The following ERO1B variants were observed in gnomAD, a reference collection of about 807,000 sequenced individuals.
The protein encoded by ERO1B is ERO1-like protein beta.
A neutral mutation model predicts 75.3 loss-of-function variants in ERO1B; 49 were observed. That is an observed-to-expected ratio of 0.65 (90% CI 0.52 to 0.83). The LOEUF is 0.83. Among genes scored for constraint, ERO1B ranks in the 40% least tolerant of loss-of-function variants. ERO1B has a pLI of 0.00. For missense variants in ERO1B, 512 were observed against 560.1 expected (o/e 0.91, Z 0.87); for synonymous variants, 191 against 192.9 (o/e 0.99, Z 0.08).
At chr1:236,246,029 A>T (rs1014128793) in intron 5 of ERO1B, among the ~76,000 whole-genome samples, 3 of 152,188 alleles carry the variant, frequency 2.0e-5, no homozygotes, top group African/African-American at 4.8e-5. Flanking sequence ...CAATCACTGG[A>T]GAAGTTGTAG....
chr1:236,244,726 A>G (rs1276348162), intron 5 of ERO1B, among the ~76,000 whole-genome samples: 1 of 152,214 alleles, frequency 6.6e-6, no homozygotes, highest in Non-Finnish European at 1.5e-5. Context: ...TAAGCCCGAA[A>G]AAACATTGAA....
chr1:236,272,053 A>T (rs1665601579), intron 1 of ERO1B, among the ~76,000 whole-genome samples: 1 of 152,212 alleles, frequency 6.6e-6, no homozygotes, highest in Non-Finnish European at 1.5e-5. Flanking sequence ...AAAACAAAAA[A>T]ACAGATGTTG....
Position 236,229,364 on chromosome 1 carries a change from G to A in ERO1B, c.712+860C>T, listed in dbSNP as rs189838804. ...CACTTGACCCTGGGAGGCAGAGGTT[G>A]CAGTGAGCCGAGATGGCGCCACTGC... On this transcript the variant is annotated intron_variant, in intron 10 of 15. Transcript: ENST00000354619. Among the ~76,000 whole-genome samples the A allele has an allele frequency of 4.6e-5, 7 of 151,968 alleles. No individual in the cohort carries two copies. The East Asian group carries it at 9.7e-4, about 21-fold the overall frequency.
At chr1:236,278,560 T>C (rs1321866536) in intron 1 of ERO1B, among the ~76,000 whole-genome samples, 3 of 152,094 alleles carry the variant, frequency 2.0e-5, no homozygotes, top group African/African-American at 4.8e-5. Flanking sequence ...AACGGACTGG[T>C]ATAGCACTAT....
intron 1 of ERO1B, among the ~76,000 whole-genome samples, chr1:236,279,535 G>C (rs1285543011): frequency 1.6e-5 from 2 of 124,296 alleles, no homozygotes; most frequent in African/African-American, 3.0e-5. Context: ...ACAGTAGAAA[G>C]TACTGCTGGC....
intron 1 of ERO1B, 138 bp downstream of exon 1, chr1:236,281,544 C>T (rs1173411490): frequency 5.4e-6 from 3 of 553,574 alleles, no homozygotes; most frequent in Non-Finnish European, 8.3e-6. Context: ...CTCTGCTCCC[C>T]GGGTTTTCTG....
chr1:236,236,129 GT>G, intron 7 of ERO1B, 148 bp downstream of exon 7: 1 of 981,818 alleles, frequency 1.0e-6, no homozygotes, highest in East Asian at 2.5e-5. Flanking sequence ...GTTTCACCAT[GT>G]TGGCCAGGCT....
intron 2 of ERO1B, among the ~76,000 whole-genome samples, chr1:236,258,883 C>T (rs1172723271): frequency 1.3e-5 from 2 of 152,138 alleles, no homozygotes; most frequent in South Asian, 2.1e-4. Context: ...AGTAAGACTC[C>T]ATCTCAAACA....
intron 5 of ERO1B, among the ~76,000 whole-genome samples, chr1:236,247,550 C>T (rs910975851): frequency 6.6e-6 from 1 of 152,158 alleles, no homozygotes; most frequent in African/African-American, 2.4e-5. Flanking sequence ...ACGATAATCA[C>T]GTAATAAGGC....
At chr1:236,226,763 G>T (rs1189192686) in intron 10 of ERO1B, 24 bp from the exon 11 acceptor site, 7 of 1,547,986 alleles carry the variant, frequency 4.5e-6, no homozygotes, top group Middle Eastern at 1.7e-4. Context: ...TATTGAAAAA[G>T]AAATTACACC....
Position 236,243,486 on chromosome 1 carries a change from G to C in ERO1B, c.441C>G (p.Ser147Arg). The change falls in exon 6 of 16, where the codon AGC (serine) becomes AGG (arginine). Residue 147 changes from serine (S) to arginine (R), a missense_variant. By Grantham distance (110) the Ser-to-Arg change is moderately radical. Coordinates refer to ENST00000354619, the MANE Select transcript of ERO1B (RefSeq NM_019891.4). Reference protein sequence around the residue: ...GAINSTLSNQSKEAFIDWARY... With the variant: ...GAINSTLSNQRKEAFIDWARY... ...TTGCCCAGTCAATGAAAGCTTCTTT[G>C]CTTTGATTACTATGGGAAGGAGGAA... The C allele has an allele frequency of 1.9e-6, 3 of 1,601,148 alleles. No homozygotes were observed. Among genetic ancestry groups the C allele is most frequent in the Non-Finnish European group, 2.6e-6 (3 of 1,173,616 alleles).
chr1:236,239,833 A>G (rs1294955017), intron 6 of ERO1B, among the ~76,000 whole-genome samples: 1 of 80,526 alleles, frequency 1.2e-5, no homozygotes, highest in Non-Finnish European at 2.7e-5. Flanking sequence ...GTGTATATAT[A>G]TGTGTATATA....
chr1:236,226,136 T>G, intron 12 of ERO1B, 133 bp downstream of exon 12: 2 of 839,346 alleles, frequency 2.4e-6, no homozygotes, highest in Non-Finnish European at 3.7e-6. Flanking sequence ...TCTGTTGTTC[T>G]ATTGATCACT....
rs1664121560 is a variant in ERO1B at position 236,220,891 on chromosome 1, T to C, written c.1284A>G (p.Pro428=). ...GTCGGGTGAGTTGGAAGCCTTTAGA[T>C]GGACTATTCTCTGGAAGCTTTTGGA... ...KEIQKLPENS[P]SKGFQLTRQE... Residue 428 remains proline, a synonymous_variant, in exon 15 of 16, where the codon CCA becomes CCG. Coordinates refer to ENST00000354619, the MANE Select transcript of ERO1B (RefSeq NM_019891.4). 6.2e-7 allele frequency: 1 copy of C among 1,603,748 alleles called. No homozygotes were observed. Among genetic ancestry groups the C allele is most frequent in the East Asian group, 2.3e-5 (1 of 44,384 alleles).
intron 10 of ERO1B, 60 bp from the exon 11 acceptor site, chr1:236,226,799 C>T: frequency 7.8e-7 from 1 of 1,283,362 alleles, no homozygotes; most frequent in Non-Finnish European, 1.1e-6. Context: ...AATATTGACT[C>T]AAGGAGGTTC....
Position 236,225,112 on chromosome 1 carries a change from T to C in ERO1B, c.1080A>G (p.Lys360=). 6.2e-7 allele frequency: 1 copy of C among 1,613,920 alleles called. No homozygotes were observed. The highest frequency in any genetic ancestry group is 1.1e-5 in the South Asian group (1 of 91,086). Residue 360 remains lysine (K), a synonymous_variant, in exon 13 of 16, where the codon AAA becomes AAG. Coordinates refer to ENST00000354619, the MANE Select transcript of ERO1B (RefSeq NM_019891.4). ...CTTTTTTGTCACCTGCAAACATGGATTTCTCATCAAAGTGCATGGGAAAGG... is the reference window on the plus strand; with the variant it reads ...CTTTTTTGTCACCTGCAAACATGGACTTCTCATCAAAGTGCATGGGAAAGG... ...TKSFPMHFDE[K]SMFAGDKKGA...
chr1:236,265,253 A>G (rs936285317), intron 2 of ERO1B, among the ~76,000 whole-genome samples: 1 of 152,192 alleles, frequency 6.6e-6, no homozygotes, highest in Non-Finnish European at 1.5e-5. Context: ...TCATGTTAAG[A>G]AATATACATC....
intron 5 of ERO1B, among the ~76,000 whole-genome samples, chr1:236,244,943 G>A (rs1664803746): frequency 6.6e-6 from 1 of 152,058 alleles, no homozygotes; most frequent in African/African-American, 2.4e-5. Context: ...ACTGGGAAAT[G>A]AGGAGCATAA....
At chr1:236,253,810 C>T (rs1226050049) in intron 2 of ERO1B, among the ~76,000 whole-genome samples, 1 of 152,186 alleles carries the variant, frequency 6.6e-6, no homozygotes, top group Non-Finnish European at 1.5e-5. Context: ...TGAGCATCCA[C>T]TATGTGTCAG....
Sources: gnomAD v4.1 joint callset for allele counts (sites outside exome capture counted in the v4.1 genomes callset) on GRCh38, gnomAD v4.1.1 for gene constraint, MANE v1.5 for transcripts, NCBI Gene and HGNC (gene_info 2026-07-23, HGNC 2026-07-21) for gene names.